CCDC171: variants seen among roughly 807,000 people sequenced by gnomAD.
CCDC171 encodes coiled-coil domain containing 171, also known as coiled-coil domain-containing protein 171.
CCDC171 carries 177 observed loss-of-function variants against 168.2 expected under a neutral mutation model. That is an observed-to-expected ratio of 1.05 (90% CI 0.93 to 1.19). The LOEUF (loss-of-function observed/expected upper bound fraction) is 1.19. CCDC171 is among the 50% of genes most tolerant of loss of function. CCDC171 has a pLI of 0.00. For missense variants in CCDC171, 1,991 were observed against 1,539.0 expected (o/e 1.29, Z -4.91); for synonymous variants, 687 against 540.8 (o/e 1.27, Z -3.75).
chr9:15,646,518 A>T (rs1193580217), intron 7 of CCDC171, among the ~76,000 whole-genome samples: 1 of 152,260 alleles, frequency 6.6e-6, no homozygotes, highest in African/African-American at 2.4e-5. Context: ...TCTCATGTGC[A>T]GAGACACACA....
downstream of CCDC171, among the ~76,000 whole-genome samples, chr9:15,975,030 A>G (rs1477321752): frequency 6.6e-6 from 1 of 152,142 alleles, no homozygotes; most frequent in African/African-American, 2.4e-5. Flanking sequence ...CAGCCTCCTG[A>G]GTACCAGGGA....
At position 15,727,970 on chromosome 9, in the gene CCDC171, G is replaced by A; in HGVS notation, c.1794G>A (p.Glu598=). ...TGCTGGATAAATTCTCTTGGTCTGA[G>A]CTTTGTGCAGTCTTACAGGAGAATG... The part of the protein sequence containing the change: ...EGMLDKFSWS[E]LCAVLQENVD... Residue 598 remains glutamate, a synonymous_variant, in exon 15 of 26, where the codon GAG becomes GAA. Transcript: ENST00000380701. 2 of 1,613,310 alleles carry A rather than the reference G, an allele frequency of 1.2e-6. No homozygotes were observed. The highest frequency in any genetic ancestry group is 1.7e-6 in the Non-Finnish European group (2 of 1,179,610).
chr9:15,615,224 A>T (rs2043994223), intron 6 of CCDC171, among the ~76,000 whole-genome samples: 1 of 152,182 alleles, frequency 6.6e-6, no homozygotes, highest in Non-Finnish European at 1.5e-5. Context: ...AAAATCAATC[A>T]ATATAATTCT....
chr9:15,904,037 A>T (rs1356950269), intron 24 of CCDC171, among the ~76,000 whole-genome samples: 1 of 152,238 alleles, frequency 6.6e-6, no homozygotes, highest in Non-Finnish European at 1.5e-5. Context: ...GAAAAGACCA[A>T]ATCTACATCT....
At chr9:15,642,360 TATATATATATATATATATATATATGC>T (rs1474318142) in intron 7 of CCDC171, among the ~76,000 whole-genome samples, 1 of 42,150 alleles carries the variant, frequency 2.4e-5, no homozygotes, top group Non-Finnish European at 5.5e-5. Flanking sequence ...TATATATATA[TATATATATATATATATATATATATGC>T]ATTTTAACCA....
intron 24 of CCDC171, among the ~76,000 whole-genome samples, chr9:15,876,715 T>C (rs1817889222): frequency 6.6e-6 from 1 of 152,180 alleles, no homozygotes; most frequent in Non-Finnish European, 1.5e-5. Context: ...AATTATGGGC[T>C]AATAGTATGA....
At chr9:16,009,752 A>G (rs923920132) in intron 3 of CCDC171, among the ~76,000 whole-genome samples, 4 of 152,190 alleles carry the variant, frequency 2.6e-5, no homozygotes, top group Admixed American at 2.6e-4. Context: ...TAAACTTCTG[A>G]GTTATTTAGT....
At chr9:15,612,055 A>G (rs2043735925) in intron 6 of CCDC171, among the ~76,000 whole-genome samples, 2 of 152,238 alleles carry the variant, frequency 1.3e-5, no homozygotes, top group South Asian at 4.1e-4. Flanking sequence ...TCTATAAACT[A>G]GAAAGTAGGC....
intron 24 of CCDC171, among the ~76,000 whole-genome samples, chr9:15,900,247 G>C (rs774045060): frequency 1.3e-5 from 2 of 152,184 alleles, no homozygotes; most frequent in Non-Finnish European, 2.9e-5. Context: ...AGAAGCCAAG[G>C]TGTCTGAGAG....
chr9:15,895,966 A>C (rs146275089), intron 24 of CCDC171, among the ~76,000 whole-genome samples: 93 of 151,996 alleles, frequency 6.1e-4, no homozygotes, highest in African/African-American at 2.0e-3. Flanking sequence ...GTTGCCTTTT[A>C]TGGTTTTCAT....
intron 6 of CCDC171, among the ~76,000 whole-genome samples, chr9:15,604,123 A>T (rs2043058706): frequency 1.4e-5 from 2 of 148,108 alleles, no homozygotes; most frequent in African/African-American, 2.5e-5. Context: ...GATTTGTTTA[A>T]TTTCCTTGTA....
intron 6 of CCDC171, among the ~76,000 whole-genome samples, chr9:15,601,454 A>G (rs1483144441): frequency 1.3e-5 from 2 of 152,194 alleles, no homozygotes; most frequent in African/African-American, 4.8e-5. Context: ...GGACAGTACA[A>G]CCACGCTTTA....
At chr9:16,016,275 TC>T (rs2133005509) in intron 3 of CCDC171, among the ~76,000 whole-genome samples, 1 of 152,190 alleles carries the variant, frequency 6.6e-6, no homozygotes, top group South Asian at 2.1e-4. Context: ...ATTTTTCAAA[TC>T]CCCTTCTAGA....
intron 25 of CCDC171, among the ~76,000 whole-genome samples, chr9:15,932,661 C>T (rs10756722): frequency 0.32 from 48,065 of 151,606 alleles, 9,523 homozygotes; most frequent in East Asian, 0.62. Context: ...ATAGAAGTGG[C>T]GAATGTGGAT....
At chr9:15,699,070 T>C (rs2051459364) in intron 11 of CCDC171, among the ~76,000 whole-genome samples, 1 of 135,782 alleles carries the variant, frequency 7.4e-6, no homozygotes. Context: ...AATGAAGCCG[T>C]GGACCCTTGC....
chr9:16,102,653 A>C, the CCDC171 span, among the ~76,000 whole-genome samples: 1 of 152,200 alleles, frequency 6.6e-6, no homozygotes, highest in Admixed American at 6.5e-5. Flanking sequence ...TAAAAGGGTC[A>C]GAAGATCTGT....
intron 1 of CCDC171, among the ~76,000 whole-genome samples, chr9:16,048,222 C>T (rs1403211242): frequency 6.6e-6 from 1 of 152,210 alleles, no homozygotes; most frequent in Non-Finnish European, 1.5e-5. Flanking sequence ...AACATGTTCC[C>T]AGTACCATTC....
intron 25 of CCDC171, among the ~76,000 whole-genome samples, chr9:15,930,001 G>A (rs1826324657): frequency 6.6e-6 from 1 of 151,634 alleles, no homozygotes; most frequent in Non-Finnish European, 1.5e-5. Context: ...ACATGTGTGA[G>A]TTCTGTATAG....
intron 23 of CCDC171, among the ~76,000 whole-genome samples, chr9:15,873,831 C>A (rs180814562): frequency 6.6e-6 from 1 of 152,016 alleles, no homozygotes; most frequent in Admixed American, 6.6e-5. Flanking sequence ...TTTCCCATAT[C>A]GGTGATGTGT....
Sources: allele counts gnomAD v4.1 joint callset (sites outside exome capture counted in the v4.1 genomes callset), GRCh38; gene constraint gnomAD v4.1.1; transcripts MANE v1.5; gene names NCBI Gene and HGNC (gene_info 2026-07-23, HGNC 2026-07-21).